The following ARHGEF10 variants were observed in gnomAD, a reference collection of about 807,000 sequenced individuals.
ARHGEF10 encodes Rho guanine nucleotide exchange factor (GEF) 10.
Under a neutral mutation model 147.4 loss-of-function variants are expected in ARHGEF10, and 140 were observed. That is an observed-to-expected ratio of 0.95 (90% CI 0.83 to 1.09). The LOEUF is 1.09. Among genes scored for constraint, ARHGEF10 ranks in the 50% least tolerant of loss-of-function variants. ARHGEF10 has a pLI of 0.00. For missense variants in ARHGEF10, 2,222 were observed against 1,752.7 expected (o/e 1.27, Z -4.78); for synonymous variants, 902 against 695.8 (o/e 1.30, Z -4.67).
intron 14 of ARHGEF10, among the ~76,000 whole-genome samples, chr8:1,897,022 C>T (rs1181616257): frequency 6.6e-6 from 1 of 152,158 alleles, no homozygotes; most frequent in Non-Finnish European, 1.5e-5. Context: ...GATGCGTGTC[C>T]GAGGCTGTGT....
chr8:1,904,163 T>G (rs1810706415), intron 16 of ARHGEF10: 1 of 152,072 alleles, frequency 6.6e-6, no homozygotes, highest in Admixed American at 6.5e-5. Context: ...GCATTGAGCG[T>G]GAAAAGAGAT....
intron 11 of ARHGEF10, among the ~76,000 whole-genome samples, chr8:1,888,054 A>C (rs1214756862): frequency 7.6e-6 from 1 of 131,810 alleles, no homozygotes; most frequent in Non-Finnish European, 1.6e-5. Flanking sequence ...GTTAGGAGAC[A>C]GTGAGTGGGA....
intron 18 of ARHGEF10, among the ~76,000 whole-genome samples, chr8:1,913,756 T>C (rs975117769): frequency 8.5e-5 from 13 of 152,242 alleles, no homozygotes; most frequent in African/African-American, 3.1e-4. Context: ...CATTCCGCTT[T>C]CTGTCCCGGA....
rs200052082 is a variant in ARHGEF10 at position 1,876,662 on chromosome 8, C to A, written c.771C>A (p.Tyr257Ter). ...YGWSSSEFES[Y>*]EEQSDSECKN... ...GGAGTTCGAGTGAATTTGAAAGTTA[C>A]GAAGAGCAGAGTGACTCGGAGTGCA... The change falls in exon 8 of 29, where the codon TAC (tyrosine) becomes TAA (stop). Residue 257 changes from tyrosine (Y) to a stop codon, truncating the protein, a stop_gained. Transcript: ENST00000349830. LOFTEE classifies it high-confidence loss of function. The A allele has an allele frequency of 1.2e-6, 2 of 1,614,206 alleles. No homozygotes were observed. The highest frequency in any genetic ancestry group is 1.7e-6 in the Non-Finnish European group (2 of 1,180,034).
intron 6 of ARHGEF10, among the ~76,000 whole-genome samples, chr8:1,867,239 G>A (rs1370719653): frequency 1.3e-5 from 2 of 152,156 alleles, no homozygotes; most frequent in Non-Finnish European, 2.9e-5. Flanking sequence ...TGAAGCAAAT[G>A]TGCTTGAAAA....
intron 1 of ARHGEF10, among the ~76,000 whole-genome samples, chr8:1,836,945 T>C (rs1007626605): frequency 2.0e-5 from 3 of 152,208 alleles, no homozygotes; most frequent in East Asian, 1.9e-4. Flanking sequence ...AGAAGTGCCT[T>C]TCACCTCCCA....
chr8:1,927,465 G>A (rs150356878), intron 23 of ARHGEF10: 22 of 152,092 alleles, frequency 1.4e-4, no homozygotes, highest in African/African-American at 4.8e-4. Flanking sequence ...AAACCAGCTA[G>A]TGCTTTCTGT....
intron 27 of ARHGEF10, among the ~76,000 whole-genome samples, chr8:1,946,310 G>A (rs1814585644): frequency 6.6e-6 from 1 of 152,212 alleles, no homozygotes; most frequent in African/African-American, 2.4e-5. Context: ...GCAGTTTTAA[G>A]GGGAAGGCAT....
chr8:1,871,485 T>C lies in ARHGEF10; in HGVS notation c.679+2235T>C, dbSNP rs867495709. Among the ~76,000 whole-genome samples the C allele has an allele frequency of 2.6e-4, 39 of 152,282 alleles. No homozygotes were observed. In the Middle Eastern group the frequency reaches 0.01, roughly 40 times the overall value. On this transcript the variant is annotated intron_variant, in intron 7 of 28. Coordinates refer to ENST00000349830, the MANE Select transcript of ARHGEF10 (RefSeq NM_014629.4). ...AAAACATTACATAAACTATATGGGA[T>C]AGATTTTAAAGTCTAAGGAATTATA...
chr8:1,904,626 C>G (rs944100817), intron 16 of ARHGEF10, among the ~76,000 whole-genome samples: 2 of 151,714 alleles, frequency 1.3e-5, no homozygotes, highest in Admixed American at 1.3e-4. Flanking sequence ...ACGGAGCAAG[C>G]CCAGAGGCCC....
intron 9 of ARHGEF10, among the ~76,000 whole-genome samples, chr8:1,881,450 G>T (rs1462659377): frequency 6.6e-6 from 1 of 152,228 alleles, no homozygotes; most frequent in Non-Finnish European, 1.5e-5. Context: ...ACGCGCAGGC[G>T]GGCAGGGCTG....
At chr8:1,840,432 G>A (rs1439053573) in intron 1 of ARHGEF10, among the ~76,000 whole-genome samples, 1 of 142,748 alleles carries the variant, frequency 7.0e-6, no homozygotes, top group South Asian at 2.5e-4. Context: ...GAAGCTGTCC[G>A]GTGTGGGGAC....
intron 2 of ARHGEF10, among the ~76,000 whole-genome samples, chr8:1,850,756 A>G (rs1805071442): frequency 6.6e-6 from 1 of 152,198 alleles, no homozygotes; most frequent in Admixed American, 6.5e-5. Flanking sequence ...ATAGGTGTTG[A>G]TAGCAGCTTT....
At chr8:1,917,959 T>G (rs1811884570) in intron 18 of ARHGEF10, among the ~76,000 whole-genome samples, 1 of 151,526 alleles carries the variant, frequency 6.6e-6, no homozygotes, top group East Asian at 2.0e-4. Context: ...TTTTTTTTTT[T>G]GTATTTTTAG....
At chr8:1,921,768 A>C (rs1372103517) in intron 18 of ARHGEF10, among the ~76,000 whole-genome samples, 1 of 152,020 alleles carries the variant, frequency 6.6e-6, no homozygotes, top group Non-Finnish European at 1.5e-5. Flanking sequence ...ACAGAATTTC[A>C]GGAGGTCCAC....
chr8:1,880,939 G>A lies in ARHGEF10; in HGVS notation c.960+775G>A, dbSNP rs556653132. Among the ~76,000 whole-genome samples the A allele has an allele frequency of 6.6e-5, 10 of 152,326 alleles. No individual in the cohort carries two copies. In the South Asian group the frequency reaches 8.3e-4, roughly 13 times the overall value. On this transcript the variant is annotated intron_variant, in intron 9 of 28. Coordinates refer to ENST00000349830, the MANE Select transcript of ARHGEF10 (RefSeq NM_014629.4). ...GCCACAGCCGCCCCCTGGGAGCCGC[G>A]TTACCCCCTCACATGCAGCATCTGG...
intron 12 of ARHGEF10, among the ~76,000 whole-genome samples, 177 bp downstream of exon 12, chr8:1,893,823 A>T (rs143404749): frequency 2.8e-3 from 428 of 152,352 alleles, no homozygotes; most frequent in Middle Eastern, 0.01. Flanking sequence ...GTCATGATTT[A>T]TGTTGAAATA....
chr8:1,945,288 C>T (rs1814475091), intron 26 of ARHGEF10, among the ~76,000 whole-genome samples, 193 bp from the exon 27 acceptor site: 2 of 152,172 alleles, frequency 1.3e-5, no homozygotes, highest in Admixed American at 1.3e-4. Flanking sequence ...CACAAAGGAG[C>T]CAGGATGATT....
At chr8:1,896,946 C>T (rs184927648) in intron 14 of ARHGEF10, among the ~76,000 whole-genome samples, 10 of 152,330 alleles carry the variant, frequency 6.6e-5, no homozygotes, top group Admixed American at 1.3e-4. Context: ...ATGGGGAGCA[C>T]GTCCCCTGAT....
Sources: allele counts gnomAD v4.1 joint callset (sites outside exome capture counted in the v4.1 genomes callset), GRCh38; gene constraint gnomAD v4.1.1; transcripts MANE v1.5; gene names NCBI Gene and HGNC (gene_info 2026-07-23, HGNC 2026-07-21).